COL25A1: variants seen among roughly 807,000 people sequenced by gnomAD.
COL25A1 encodes the protein collagen alpha-1(XXV) chain.
In COL25A1, 103 loss-of-function variants were observed where a neutral mutation model predicts 128.4. That is an observed-to-expected ratio of 0.80 (90% CI 0.68 to 0.94). The LOEUF (loss-of-function observed/expected upper bound fraction) is 0.94, where lower values mean the gene tolerates loss of function less well. COL25A1 is among the 40% of genes least tolerant of loss of function. COL25A1 has a pLI of 0.00. For synonymous variants in COL25A1, 279 were observed against 277.2 expected, an observed-to-expected ratio of 1.01 and a Z score of -0.06; for missense variants, 745 against 840.0, an observed-to-expected ratio of 0.89 and a Z score of 1.40.
At chr4:109,142,764 A>G (rs929524681) in intron 3 of COL25A1, among the ~76,000 whole-genome samples, 4 of 151,656 alleles carry the variant, frequency 2.6e-5, no homozygotes, top group African/African-American at 9.7e-5. Context: ...TTTCTTGGTA[A>G]ATCTTCCTCC....
At chr4:108,965,914 T>C (rs17598086) in intron 8 of COL25A1, among the ~76,000 whole-genome samples, 46,635 of 152,046 alleles carry the variant, frequency 0.31, 7,751 homozygotes, top group South Asian at 0.46. Flanking sequence ...AGAAAACAAA[T>C]TTCATCCATC....
At chr4:108,815,949 T>C (rs1731209965) in intron 37 of COL25A1, among the ~76,000 whole-genome samples, 1 of 152,194 alleles carries the variant, frequency 6.6e-6, no homozygotes, top group Non-Finnish European at 1.5e-5. Flanking sequence ...TGAAGTGTGC[T>C]AATGGCTGGT....
chr4:108,962,789 T>C lies in COL25A1; in HGVS notation c.492+11578A>G, dbSNP rs781257268. Among the ~76,000 whole-genome samples, 73 of 152,300 alleles carry C rather than the reference T, an allele frequency of 4.8e-4. 1 individual carries two copies. Among genetic ancestry groups the C allele is most frequent in the Non-Finnish European group, 9.3e-4 (63 of 68,034 alleles). On this transcript the variant is annotated intron_variant, in intron 8 of 37. Coordinates refer to ENST00000399132, the MANE Select transcript of COL25A1 (RefSeq NM_198721.4). ...ATTCATTTGTGCTAATAAAACCCAC[T>C]AGTGATCAATAAAGGTTTCTCTCAA...
chr4:109,073,840 T>G (rs1763178270), intron 3 of COL25A1, among the ~76,000 whole-genome samples: 1 of 152,222 alleles, frequency 6.6e-6, no homozygotes, highest in Non-Finnish European at 1.5e-5. Context: ...TTCTACTAAT[T>G]TCTCAATGTC....
chr4:109,021,675 A>T, intron 5 of COL25A1: 1 of 448,968 alleles, frequency 2.2e-6, no homozygotes, highest in Non-Finnish European at 4.4e-6. Context: ...CTTCTTGCAG[A>T]GAGCCTATAA....
chr4:108,829,682 T>C (rs1732852252), intron 32 of COL25A1, among the ~76,000 whole-genome samples: 1 of 152,070 alleles, frequency 6.6e-6, no homozygotes, highest in Non-Finnish European at 1.5e-5. Context: ...CTTATTTGAA[T>C]AAAGCTGTCA....
At chr4:109,278,352 A>G (rs1053229148) in intron 3 of COL25A1, among the ~76,000 whole-genome samples, 3 of 152,358 alleles carry the variant, frequency 2.0e-5, no homozygotes, top group Non-Finnish European at 2.9e-5. Flanking sequence ...TTGAAATGGT[A>G]TCTTACAAAA....
chr4:109,248,898 T>C (rs1780461374), intron 3 of COL25A1, among the ~76,000 whole-genome samples: 1 of 152,174 alleles, frequency 6.6e-6, no homozygotes. Context: ...AATTTTCTGA[T>C]TGCTTTTCTG....
chr4:109,182,016 CA>C (rs1774694000), intron 3 of COL25A1, among the ~76,000 whole-genome samples: 1 of 152,108 alleles, frequency 6.6e-6, no homozygotes, highest in Non-Finnish European at 1.5e-5. Context: ...TATGTTGCCA[CA>C]AATGCCGAAT....
intron 3 of COL25A1, among the ~76,000 whole-genome samples, chr4:109,177,547 A>G (rs997411136): frequency 2.6e-5 from 4 of 152,150 alleles, no homozygotes; most frequent in Non-Finnish European, 5.9e-5. Context: ...CTTTTAGACC[A>G]AATACAGTGG....
At chr4:109,048,759 AG>A (rs1285271606) in intron 4 of COL25A1, among the ~76,000 whole-genome samples, 1 of 152,176 alleles carries the variant, frequency 6.6e-6, no homozygotes, top group East Asian at 1.9e-4. Context: ...CTAAGTAGCT[AG>A]GAAGTTGGAA....
In COL25A1 at chr4:108,817,306, T is replaced by A; in HGVS notation, c.1962+91A>T. ...GGAGATGAAATCTTTTGCTTTTTAA[T>A]ATCCGAAGGTCTTTTCTGAATGGAA... On this transcript the variant is annotated intron_variant, in intron 37 of 37. Coordinates refer to ENST00000399132, the MANE Select transcript of COL25A1 (RefSeq NM_198721.4). 2.6e-6 allele frequency: 3 copies of A among 1,144,160 alleles called. No individual in the cohort carries two copies. The Admixed American group carries it at 5.7e-5, about 22-fold the overall frequency. 70.9% of individuals were successfully genotyped at this position (1,144,160 alleles called of 1,614,324 possible). A position where few individuals can be genotyped will look rare whatever the true frequency, so the allele number is the denominator to read the frequency against.
At chr4:109,012,705 G>T (rs578064661) in intron 5 of COL25A1, among the ~76,000 whole-genome samples, 1 of 152,180 alleles carries the variant, frequency 6.6e-6, no homozygotes, top group South Asian at 2.1e-4. Flanking sequence ...GGCCTCAGCC[G>T]CCTCTCCGCC....
At chr4:108,943,518 T>C (rs1216406305) in intron 8 of COL25A1, among the ~76,000 whole-genome samples, 3 of 152,162 alleles carry the variant, frequency 2.0e-5, no homozygotes, top group East Asian at 1.9e-4. Flanking sequence ...TGAAAATCTG[T>C]CTCTTACAAC....
chr4:108,966,944 G>A (rs865922162), intron 8 of COL25A1, among the ~76,000 whole-genome samples: 11 of 141,624 alleles, frequency 7.8e-5, no homozygotes, highest in Admixed American at 2.8e-4. Context: ...AAGAAAGAGA[G>A]GAAAGAAAGA....
intron 3 of COL25A1, among the ~76,000 whole-genome samples, chr4:109,114,620 G>C (rs1767349623): frequency 6.6e-6 from 1 of 152,042 alleles, no homozygotes; most frequent in Admixed American, 6.6e-5. Flanking sequence ...AAATACTTCA[G>C]GAAGGCTGGA....
intron 19 of COL25A1, 110 bp downstream of exon 19, chr4:108,884,068 T>TA: frequency 1.9e-6 from 2 of 1,064,882 alleles, no homozygotes; most frequent in Admixed American, 3.9e-5. Flanking sequence ...GGAGAGTACT[T>TA]AGAGAACAGC....
In COL25A1 at chr4:108,862,420, A is replaced by C; in HGVS notation, c.1197+81T>G. The C allele has an allele frequency of 7.7e-6, 8 of 1,044,260 alleles. No individual in the cohort carries two copies. The South Asian group carries it at 9.0e-5, about 12-fold the overall frequency. 64.7% of individuals were successfully genotyped at this position (1,044,260 alleles called of 1,614,324 possible). On this transcript the variant is annotated intron_variant, in intron 22 of 37. Coordinates refer to ENST00000399132, the MANE Select transcript of COL25A1 (RefSeq NM_198721.4). ...GAAAGAGTTTAATCTAAAACATGAA[A>C]AACATGCCTCTGTGGCAAAGGCAAA... is the stretch of plus-strand genomic sequence containing the variant.
At chr4:109,089,290 A>G (rs1427121646) in intron 3 of COL25A1, among the ~76,000 whole-genome samples, 1 of 152,190 alleles carries the variant, frequency 6.6e-6, no homozygotes, top group Non-Finnish European at 1.5e-5. Context: ...ACATTAATCC[A>G]TTTTGGGCAG....
Sources: allele counts gnomAD v4.1 joint callset (sites outside exome capture counted in the v4.1 genomes callset), GRCh38; gene constraint gnomAD v4.1.1; transcripts MANE v1.5; gene names NCBI Gene and HGNC (gene_info 2026-07-23, HGNC 2026-07-21).